Variants in LRRC37A2 observed in about 807,000 individuals in gnomAD.
LRRC37A2 encodes the protein leucine-rich repeat-containing protein 37A2.
In LRRC37A2, 9 loss-of-function variants were observed where a neutral mutation model predicts 68.8. The ratio of observed to expected loss-of-function variants is 0.13; its 90% CI spans 0.08 to 0.23. The LOEUF is 0.23. LRRC37A2 is among the 10% of genes least tolerant of loss of function. LRRC37A2 has a pLI of 1.00. For synonymous variants in LRRC37A2, 63 were observed against 367.6 expected (o/e 0.17, Z 9.48); for missense variants, 168 against 950.4 (o/e 0.18, Z 10.82).
the LRRC37A2 span, among the ~76,000 whole-genome samples, chr17:46,377,556 C>A: frequency 2.4e-5 from 1 of 41,278 alleles, no homozygotes; most frequent in African/African-American, 4.7e-5. Flanking sequence ...GAATTTATTC[C>A]TCCTATCACT....
chr17:46,823,177 TATATAA>T, the LRRC37A2 span, among the ~76,000 whole-genome samples: 2 of 130,470 alleles, frequency 1.5e-5, no homozygotes, highest in South Asian at 4.4e-4. Flanking sequence ...TATATATTTA[TATATAA>T]TATATTATAT....
At chr17:46,694,229 A>C in the LRRC37A2 span, among the ~76,000 whole-genome samples, 1 of 137,152 alleles carries the variant, frequency 7.3e-6, no homozygotes, top group Non-Finnish European at 1.5e-5. Context: ...TACTAAAAAT[A>C]CAAAAAACTT....
chr17:46,841,303 G>C, the LRRC37A2 span, among the ~76,000 whole-genome samples: 1 of 152,210 alleles, frequency 6.6e-6, no homozygotes, highest in Non-Finnish European at 1.5e-5. Context: ...CACCCAGCTA[G>C]GAAGGAAAGC....
the LRRC37A2 span, chr17:46,818,571 G>A: frequency 1.2e-6 from 2 of 1,605,522 alleles, no homozygotes; most frequent in Non-Finnish European, 1.7e-6. Context: ...GGAGGCCGAG[G>A]AGCAGCCCGA....
chr17:46,400,762 A>G, the LRRC37A2 span, among the ~76,000 whole-genome samples: 1 of 107,764 alleles, frequency 9.3e-6, no homozygotes, highest in African/African-American at 3.2e-5. Flanking sequence ...TTCCCTTGGC[A>G]TTGCTGTGGT....
the LRRC37A2 span, chr17:46,721,771 GTCC>G: frequency 2.1e-4 from 331 of 1,602,486 alleles, no homozygotes; most frequent in African/African-American, 4.1e-3. Context: ...GGAAGACCAA[GTCC>G]TCAAGGAAGG....
At chr17:46,762,717 T>C in the LRRC37A2 span, 3 of 152,032 alleles carry the variant, frequency 2.0e-5, no homozygotes, top group Non-Finnish European at 4.4e-5. Flanking sequence ...TTACAAAACT[T>C]TGGATACAGC....
chr17:46,912,059 C>G, the LRRC37A2 span, among the ~76,000 whole-genome samples: 1 of 152,106 alleles, frequency 6.6e-6, no homozygotes, highest in African/African-American at 2.4e-5. Context: ...GTTCCACACC[C>G]ACGATTGACC....
At chr17:46,583,574 C>T in the LRRC37A2 span, among the ~76,000 whole-genome samples, 3 of 79,108 alleles carry the variant, frequency 3.8e-5, 1 homozygote, top group Admixed American at 1.3e-4. Flanking sequence ...GGATTACAGG[C>T]GTGAGCCACG....
At chr17:46,814,181 C>T in the LRRC37A2 span, among the ~76,000 whole-genome samples, 1 of 152,176 alleles carries the variant, frequency 6.6e-6, no homozygotes, top group Non-Finnish European at 1.5e-5. Context: ...ACCCATCTCT[C>T]ACCTCTTGGC....
chr17:46,864,192 C>T, the LRRC37A2 span, among the ~76,000 whole-genome samples: 1 of 152,146 alleles, frequency 6.6e-6, no homozygotes, highest in African/African-American at 2.4e-5. Flanking sequence ...GTCAATGCGT[C>T]ATGGTTAAAT....
At chr17:46,476,612 A>G in the LRRC37A2 span, among the ~76,000 whole-genome samples, 1,144 of 105,594 alleles carry the variant, frequency 0.011, 5 homozygotes, top group African/African-American at 0.029. Context: ...TGAATCCAGG[A>G]GGCAGAGGTT....
chr17:46,942,580 A>G, the LRRC37A2 span, among the ~76,000 whole-genome samples: 9 of 152,316 alleles, frequency 5.9e-5, no homozygotes, highest in South Asian at 2.1e-4. Context: ...GGCATGGACT[A>G]TAGAGCTATA....
the LRRC37A2 span, among the ~76,000 whole-genome samples, chr17:46,992,109 C>G: frequency 6.6e-6 from 1 of 151,986 alleles, no homozygotes; most frequent in Non-Finnish European, 1.5e-5. Flanking sequence ...GCCTGTAATC[C>G]CAGCACTTTG....
chr17:46,788,073 T>G, the LRRC37A2 span, among the ~76,000 whole-genome samples: 41,528 of 151,414 alleles, frequency 0.27, 6,098 homozygotes, highest in East Asian at 0.52. Context: ...AAGGAATAGG[T>G]GTGCTGAGGG....
chr17:46,987,589 GA>G, the LRRC37A2 span, among the ~76,000 whole-genome samples: 3 of 152,290 alleles, frequency 2.0e-5, no homozygotes, highest in East Asian at 5.8e-4. Flanking sequence ...TACTGCAATA[GA>G]CAAGGCAAAA....
the LRRC37A2 span, among the ~76,000 whole-genome samples, chr17:46,467,021 A>G: frequency 1.2e-5 from 1 of 84,386 alleles, no homozygotes; most frequent in East Asian, 2.6e-4. Flanking sequence ...AGAAAATTAT[A>G]CAAAAATTAA....
the LRRC37A2 span, among the ~76,000 whole-genome samples, chr17:46,445,303 C>T: frequency 1.5e-5 from 1 of 65,588 alleles, no homozygotes; most frequent in Non-Finnish European, 3.5e-5. Context: ...TGTATCTCCC[C>T]CAGCTGTACT....
chr17:46,923,409 C>A, the LRRC37A2 span: 1 of 1,444,436 alleles, frequency 6.9e-7, no homozygotes, highest in Non-Finnish European at 9.1e-7. Flanking sequence ...ACAGTGGGTT[C>A]AGGCTGGGGC....
Sources: allele counts gnomAD v4.1 joint callset (sites outside exome capture counted in the v4.1 genomes callset), GRCh38; gene constraint gnomAD v4.1.1; transcripts MANE v1.5; gene names NCBI Gene and HGNC (gene_info 2026-07-23, HGNC 2026-07-21).